ZNF407: variants seen among roughly 807,000 people sequenced by gnomAD.
The protein encoded by ZNF407 is zinc finger protein 407.
Under a neutral mutation model 131.2 loss-of-function variants are expected in ZNF407, and 17 were observed. That is an observed-to-expected ratio of 0.13 (90% CI 0.09 to 0.19). The LOEUF (loss-of-function observed/expected upper bound fraction) is 0.19, where lower values mean the gene tolerates loss of function less well. Among genes scored for constraint, ZNF407 ranks in the 10% least tolerant of loss-of-function variants. The probability of loss-of-function intolerance (pLI) is 1.00; values close to 1 mark genes in which losing one functional copy is unlikely to be tolerated. For synonymous variants in ZNF407, 1,156 were observed against 1,062.0 expected, an observed-to-expected ratio of 1.09 and a Z score of -1.72; for missense variants, 2,681 against 2,830.6, an observed-to-expected ratio of 0.95 and a Z score of 1.20.
intron 4 of ZNF407, among the ~76,000 whole-genome samples, chr18:74,860,177 C>T (rs572553042): frequency 5.6e-4 from 85 of 152,036 alleles, no homozygotes; most frequent in Non-Finnish European, 8.7e-4. Flanking sequence ...TGTGGTGGTG[C>T]GTGCCTGTGA....
At chr18:74,953,643 C>T (rs1459250718) in intron 8 of ZNF407, among the ~76,000 whole-genome samples, 2 of 152,186 alleles carry the variant, frequency 1.3e-5, no homozygotes, top group East Asian at 1.9e-4. Flanking sequence ...CTTTTCAACT[C>T]TTGTTAGATG....
chr18:74,753,000 T>C (rs1374975896), intron 3 of ZNF407, among the ~76,000 whole-genome samples: 1 of 152,204 alleles, frequency 6.6e-6, no homozygotes, highest in African/African-American at 2.4e-5. Flanking sequence ...ATTCTTCCTA[T>C]CCATGAGCAT....
At chr18:74,711,692 G>A (rs765390492) in intron 3 of ZNF407, among the ~76,000 whole-genome samples, 11 of 152,098 alleles carry the variant, frequency 7.2e-5, no homozygotes, top group Non-Finnish European at 1.3e-4. Flanking sequence ...GTTATCCAAA[G>A]TGAAGTTATT....
At chr18:75,043,230 C>T (rs1375941449) in intron 8 of ZNF407, among the ~76,000 whole-genome samples, 1 of 152,180 alleles carries the variant, frequency 6.6e-6, no homozygotes, top group Non-Finnish European at 1.5e-5. Context: ...TGTTGTGTAT[C>T]TCATCATGGT....
chr18:75,022,198 C>T (rs1199731407), intron 8 of ZNF407, among the ~76,000 whole-genome samples: 3 of 152,156 alleles, frequency 2.0e-5, no homozygotes, highest in Admixed American at 6.5e-5. Context: ...CTTGGTGTAA[C>T]GTGCATCTGC....
intron 7 of ZNF407, among the ~76,000 whole-genome samples, chr18:74,904,375 T>C (rs959596452): frequency 4.6e-5 from 7 of 152,204 alleles, no homozygotes; most frequent in African/African-American, 1.7e-4. Flanking sequence ...GGAAATGTAT[T>C]ATTTTTTCTC....
chr18:74,949,064 C>G (rs75705036), intron 8 of ZNF407, among the ~76,000 whole-genome samples: 1 of 152,000 alleles, frequency 6.6e-6, no homozygotes, highest in Non-Finnish European at 1.5e-5. Flanking sequence ...CAGAGAAGAA[C>G]GCGAAGAAAA....
intron 3 of ZNF407, among the ~76,000 whole-genome samples, chr18:74,663,511 A>G (rs769069192): frequency 1.3e-5 from 2 of 152,194 alleles, no homozygotes; most frequent in Non-Finnish European, 2.9e-5. Context: ...TCAACTCAGA[A>G]CATCAATTAA....
Position 74,634,191 on chromosome 18 carries a change from C to A in ZNF407, c.3172C>A (p.Arg1058Ser). ...CMACDYYAVT[R>S]REMTRHAATE... ...GGCATGCGATTACTACGCGGTGACTCGTCGCGAGATGACCAGGCATGCAGC... is the reference window on the plus strand; with the variant it reads ...GGCATGCGATTACTACGCGGTGACTAGTCGCGAGATGACCAGGCATGCAGC... Residue 1058 changes from arginine (R) to serine (S), a missense_variant, in exon 2 of 9, where the codon CGT (arginine) becomes AGT (serine). Around this residue, in one of 6 missense-constraint regions of ZNF407, gnomAD observed 1,789 missense variants for 1,748.7 expected, o/e 1.02. Coordinates refer to ENST00000299687, the MANE Select transcript of ZNF407 (RefSeq NM_017757.3). The A allele has an allele frequency of 6.2e-7, 1 of 1,614,002 alleles. No individual in the cohort carries two copies. The highest frequency in any genetic ancestry group is 8.5e-7 in the Non-Finnish European group (1 of 1,179,900).
intron 7 of ZNF407, among the ~76,000 whole-genome samples, chr18:74,910,975 T>C (rs1338415882): frequency 6.6e-6 from 1 of 152,192 alleles, no homozygotes; most frequent in African/African-American, 2.4e-5. Flanking sequence ...CCTGGTGCTG[T>C]CCATACTCCT....
At chr18:74,962,398 C>A (rs929570508) in intron 8 of ZNF407, among the ~76,000 whole-genome samples, 1 of 152,242 alleles carries the variant, frequency 6.6e-6, no homozygotes, top group African/African-American at 2.4e-5. Flanking sequence ...CTGTCAGATG[C>A]ATACTGACAT....
intron 7 of ZNF407, among the ~76,000 whole-genome samples, chr18:74,894,029 A>T (rs537411871): frequency 1.3e-5 from 2 of 152,294 alleles, no homozygotes; most frequent in East Asian, 3.9e-4. Flanking sequence ...AGTTATAATT[A>T]TTCATGAAAA....
intron 4 of ZNF407, among the ~76,000 whole-genome samples, chr18:74,824,851 T>A (rs1235954879): frequency 6.6e-6 from 1 of 152,186 alleles, no homozygotes; most frequent in Non-Finnish European, 1.5e-5. Context: ...GAATCCTCCC[T>A]AATTCATTTT....
intron 4 of ZNF407, among the ~76,000 whole-genome samples, chr18:74,782,446 C>A (rs979900753): frequency 6.6e-6 from 1 of 152,084 alleles, no homozygotes; most frequent in Non-Finnish European, 1.5e-5. Context: ...ATATTGTTTT[C>A]TTTAGTATTG....
At position 75,013,721 on chromosome 18, in the gene ZNF407, C is replaced by T. The variant is rs150452332; in HGVS notation, c.5429-49429C>T. 2.8e-3 allele frequency among the ~76,000 whole-genome samples: 431 copies of T among 152,192 alleles called. 2 individuals are homozygous for T. Among genetic ancestry groups the T allele is most frequent in the Non-Finnish European group, 5.3e-3 (362 of 67,990 alleles). On this transcript the variant is annotated intron_variant, in intron 8 of 8. Transcript: ENST00000299687. ...GCTTGTGCCCGTGTTCTCTGCGGGA[C>T]CACCATGGTACCCCTGAAGAGCTCT...
intron 8 of ZNF407, among the ~76,000 whole-genome samples, chr18:74,945,941 G>A (rs116536427): frequency 6.6e-6 from 1 of 152,052 alleles, no homozygotes; most frequent in African/African-American, 2.4e-5. Flanking sequence ...AAAACTGTGG[G>A]TGAAAACTAA....
At chr18:74,681,416 A>C (rs570257926) in intron 3 of ZNF407, among the ~76,000 whole-genome samples, 2 of 151,744 alleles carry the variant, frequency 1.3e-5, no homozygotes, top group African/African-American at 2.4e-5. Context: ...CTAAGTTTTA[A>C]ATTTTTGGTA....
chr18:74,904,994 C>T (rs1276158906), intron 7 of ZNF407, among the ~76,000 whole-genome samples: 1 of 152,196 alleles, frequency 6.6e-6, no homozygotes, highest in Non-Finnish European at 1.5e-5. Context: ...TCTAAGTGGA[C>T]ACGGTGGGTT....
intron 3 of ZNF407, among the ~76,000 whole-genome samples, chr18:74,669,970 C>T (rs976630325): frequency 2.6e-5 from 4 of 152,140 alleles, no homozygotes; most frequent in Non-Finnish European, 2.9e-5. Context: ...GAGGAGAGCC[C>T]ATTCTGTGAG....
Sources: gnomAD v4.1 joint callset for allele counts (sites outside exome capture counted in the v4.1 genomes callset) on GRCh38, gnomAD v4.1.1 for gene constraint, gnomAD v4.1.1 regional missense constraint, MANE v1.5 for transcripts, NCBI Gene and HGNC (gene_info 2026-07-23, HGNC 2026-07-21) for gene names.